EYA4: variants seen among roughly 807,000 people sequenced by gnomAD.
The protein encoded by EYA4 is EYA transcriptional coactivator and phosphatase 4.
Under a neutral mutation model 87.9 loss-of-function variants are expected in EYA4, and 31 were observed. That is an observed-to-expected ratio of 0.35 (90% CI 0.27 to 0.48). The LOEUF (loss-of-function observed/expected upper bound fraction) is 0.48. Ranked by LOEUF, EYA4 falls within the 20% of genes least tolerant of loss-of-function variation. The pLI is 0.99. For synonymous variants in EYA4, 263 were observed against 270.6 expected (o/e 0.97, Z 0.28); for missense variants, 678 against 761.4 (o/e 0.89, Z 1.29).
At chr6:133,481,344 C>A in intron 11 of EYA4, 119 bp from the exon 12 acceptor site, 3 of 973,526 alleles carry the variant, frequency 3.1e-6, no homozygotes, top group South Asian at 2.7e-5. Context: ...TTATAAATCT[C>A]TTTTTTGCCA....
intron 2 of EYA4, among the ~76,000 whole-genome samples, chr6:133,364,132 T>A (rs1033510538): frequency 6.6e-6 from 1 of 152,212 alleles, no homozygotes; most frequent in African/African-American, 2.4e-5. Context: ...GAAGTGCTCT[T>A]AGCCCTGGCC....
chr6:133,467,486 A>G lies in EYA4; in HGVS notation c.805-1080A>G, dbSNP rs142020541. Among the ~76,000 whole-genome samples, 274 of 152,196 alleles carry G rather than the reference A, an allele frequency of 1.8e-3. 3 individuals are homozygous for G. The highest frequency in any genetic ancestry group is 6.0e-3 in the African/African-American group (248 of 41,546). ...CTACCACTGTTTTACTCTGAGAGAT[A>G]TTGGTAGGAACTTTGTTTAAATATG... On this transcript the variant is annotated intron_variant, in intron 10 of 19. Coordinates refer to ENST00000355286, the MANE Select transcript of EYA4 (RefSeq NM_004100.5).
intron 4 of EYA4, among the ~76,000 whole-genome samples, chr6:133,447,714 C>T (rs1012054459): frequency 2.0e-5 from 3 of 152,118 alleles, no homozygotes; most frequent in Admixed American, 1.3e-4. Flanking sequence ...TAATGTTTTA[C>T]ACCAGTTCCC....
intron 1 of EYA4, chr6:133,245,235 G>A (rs1469003683): frequency 1.3e-5 from 2 of 152,110 alleles, no homozygotes; most frequent in African/African-American, 4.8e-5. Flanking sequence ...ATTAGGTACT[G>A]TCTGGTTGTA....
At chr6:133,489,254 A>G (rs1796936207) in intron 13 of EYA4, among the ~76,000 whole-genome samples, 1 of 152,124 alleles carries the variant, frequency 6.6e-6, no homozygotes, top group South Asian at 2.1e-4. Flanking sequence ...CACCTACAAG[A>G]TCTAGAAAAT....
rs769420185 is a variant in EYA4 at position 133,515,450 on chromosome 6, T to C, written c.1616+15T>C. On this transcript the variant is annotated intron_variant, in intron 17 of 19. Transcript: ENST00000355286. ...ATTAGCACTAGGTAAGTGGAATTGT[T>C]ACCTTTCTATGTGTATCGTATTGAA... is the stretch of plus-strand genomic sequence containing the variant. 1 of 1,318,492 alleles carries C rather than the reference T, an allele frequency of 7.6e-7. No homozygotes were observed. The highest frequency in any genetic ancestry group is 2.3e-5 in the East Asian group (1 of 43,604). 81.7% of individuals were successfully genotyped at this position (1,318,492 alleles called of 1,614,324 possible). A position where few individuals can be genotyped will look rare whatever the true frequency, so the allele number is the denominator to read the frequency against.
chr6:133,476,200 G>T (rs1795713299), intron 11 of EYA4, among the ~76,000 whole-genome samples: 1 of 151,996 alleles, frequency 6.6e-6, no homozygotes, highest in Non-Finnish European at 1.5e-5. Flanking sequence ...ATTGTGAAAT[G>T]GCTAAATTGA....
At chr6:133,243,964 GT>G (rs1409354601) in intron 1 of EYA4, among the ~76,000 whole-genome samples, 1 of 152,184 alleles carries the variant, frequency 6.6e-6, no homozygotes, top group Non-Finnish European at 1.5e-5. Flanking sequence ...CGTAAAAATA[GT>G]TTGTTCCACC....
intron 13 of EYA4, among the ~76,000 whole-genome samples, chr6:133,498,402 G>T (rs1046575922): frequency 6.6e-6 from 1 of 152,082 alleles, no homozygotes; most frequent in African/African-American, 2.4e-5. Flanking sequence ...GATTCTGAGG[G>T]TTAAATGAGT....
intron 1 of EYA4, among the ~76,000 whole-genome samples, chr6:133,262,170 A>G (rs1029341742): frequency 1.3e-5 from 2 of 152,238 alleles, no homozygotes; most frequent in African/African-American, 2.4e-5. Context: ...AAGTCATCAG[A>G]TGTGTGTTAA....
intron 14 of EYA4, among the ~76,000 whole-genome samples, chr6:133,509,431 T>G (rs1015359620): frequency 6.6e-6 from 1 of 152,052 alleles, no homozygotes; most frequent in Admixed American, 6.6e-5. Context: ...ACCATCTAAT[T>G]TGACACTCCA....
chr6:133,436,259 C>A (rs1024491781), intron 3 of EYA4, among the ~76,000 whole-genome samples: 5 of 151,956 alleles, frequency 3.3e-5, no homozygotes, highest in African/African-American at 1.2e-4. Flanking sequence ...CATGCATTTC[C>A]ATCAGAGAAC....
At chr6:133,462,821 A>T in intron 9 of EYA4, 57 bp downstream of exon 9, 1 of 1,502,154 alleles carries the variant, frequency 6.7e-7, no homozygotes, top group Non-Finnish European at 9.3e-7. Flanking sequence ...AGTGAGACTC[A>T]TTGGCTTCAG....
chr6:133,520,267 G>T (rs1342554955), intron 17 of EYA4, among the ~76,000 whole-genome samples: 3 of 146,724 alleles, frequency 2.0e-5, no homozygotes, highest in Non-Finnish European at 4.5e-5. Context: ...TCCTTAAGCT[G>T]ATAAGCAACT....
chr6:133,380,954 C>T (rs1033207346), intron 2 of EYA4, among the ~76,000 whole-genome samples: 3 of 147,722 alleles, frequency 2.0e-5, no homozygotes, highest in Non-Finnish European at 4.5e-5. Context: ...TCTTCTCCCT[C>T]TCCTCCTCCT....
intron 5 of EYA4, among the ~76,000 whole-genome samples, chr6:133,450,510 A>T (rs574760169): frequency 7.2e-5 from 11 of 152,036 alleles, no homozygotes; most frequent in African/African-American, 2.7e-4. Flanking sequence ...AAGATTCTTT[A>T]TTTATTTATT....
intron 13 of EYA4, among the ~76,000 whole-genome samples, chr6:133,493,329 A>G (rs1258420966): frequency 6.6e-6 from 1 of 152,236 alleles, no homozygotes; most frequent in Non-Finnish European, 1.5e-5. Context: ...AAAGATGCCA[A>G]GCACATACAT....
chr6:133,417,441 T>C (rs1789817891), intron 3 of EYA4, among the ~76,000 whole-genome samples: 1 of 152,104 alleles, frequency 6.6e-6, no homozygotes, highest in Non-Finnish European at 1.5e-5. Context: ...AAAGAGGACC[T>C]GAATAGGGTG....
At chr6:133,270,245 C>G (rs1485718251) in intron 1 of EYA4, among the ~76,000 whole-genome samples, 2 of 152,186 alleles carry the variant, frequency 1.3e-5, no homozygotes, top group Non-Finnish European at 2.9e-5. Context: ...AACCCATATA[C>G]ATCTCCTGAG....
Sources: gnomAD v4.1 joint callset for allele counts (sites outside exome capture counted in the v4.1 genomes callset) on GRCh38, gnomAD v4.1.1 for gene constraint, MANE v1.5 for transcripts, NCBI Gene and HGNC (gene_info 2026-07-23, HGNC 2026-07-21) for gene names.